Variants in VBP1 observed in about 807,000 individuals in gnomAD.
VBP1 encodes the protein prefoldin subunit 3.
VBP1 carries 4 observed loss-of-function variants against 15.5 expected under a neutral mutation model. The ratio of observed to expected loss-of-function variants is 0.26; its 90% CI spans 0.13 to 0.59. The LOEUF (loss-of-function observed/expected upper bound fraction) is 0.59. Among genes scored for constraint, VBP1 ranks in the 20% least tolerant of loss-of-function variants. The probability of loss-of-function intolerance (pLI) is 0.90; values close to 1 mark genes in which losing one functional copy is unlikely to be tolerated. For synonymous variants in VBP1, 61 were observed against 52.1 expected (o/e 1.17, Z -0.74); for missense variants, 108 against 139.6 (o/e 0.77, Z 1.14).
intron 4 of VBP1, among the ~76,000 whole-genome samples, chrX:155,234,462 C>G (rs2074762391): frequency 9.0e-6 from 1 of 110,795 alleles, no homozygotes; most frequent in African/African-American, 3.3e-5. Flanking sequence ...TTCAGAAATA[C>G]CAAGGGTGAT....
intron 5 of VBP1, 109 bp from the exon 6 acceptor site, chrX:155,238,663 A>G: frequency 1.8e-6 from 1 of 545,335 alleles, no homozygotes; most frequent in Non-Finnish European, 3.0e-6. Flanking sequence ...GTATTTGTAT[A>G]TGTTTCATTT....
intron 4 of VBP1, among the ~76,000 whole-genome samples, chrX:155,229,839 GTCT>G (rs1304561058): frequency 8.9e-6 from 1 of 111,764 alleles, no homozygotes; most frequent in African/African-American, 3.3e-5. Context: ...AAATCTTTGA[GTCT>G]TCTTTGACTC....
intron 1 of VBP1, among the ~76,000 whole-genome samples, chrX:155,207,133 T>G (rs1398430427): frequency 9.0e-6 from 1 of 111,566 alleles, no homozygotes; most frequent in Non-Finnish European, 1.9e-5. Flanking sequence ...AAGTATGGGT[T>G]GCAGAAAAAA....
At chrX:155,215,440 A>G (rs2074659018), upstream of VBP1, among the ~76,000 whole-genome samples, 1 of 111,822 alleles carries the variant, frequency 8.9e-6, no homozygotes, top group African/African-American at 3.3e-5. Context: ...CTTCACTACT[A>G]TGTAGTTGTA....
intron 4 of VBP1, among the ~76,000 whole-genome samples, chrX:155,232,788 A>G (rs1602894555): frequency 8.8e-6 from 1 of 113,043 alleles, no homozygotes; most frequent in Admixed American, 9.3e-5. Context: ...TGCATTGCCT[A>G]TGCCATAGCA....
intron 1 of VBP1, among the ~76,000 whole-genome samples, chrX:155,201,714 C>T (rs1431773538): frequency 9.7e-6 from 1 of 103,616 alleles, no homozygotes; most frequent in Non-Finnish European, 2.0e-5. Context: ...CAGGGATGCC[C>T]TCTCTCACCA....
chrX:155,216,090 G>A (rs781844900), upstream of VBP1, among the ~76,000 whole-genome samples: 2 of 110,410 alleles, frequency 1.8e-5, no homozygotes, highest in Non-Finnish European at 3.8e-5. Context: ...GCTAGCATCC[G>A]AGAGAGGGGA....
upstream of VBP1, chrX:155,213,154 C>T (rs1602874785): frequency 9.0e-6 from 1 of 111,694 alleles, no homozygotes. Flanking sequence ...AGTTCCAAAG[C>T]CCCTAGGGGA....
chrX:155,199,571 C>T (rs1557307120), intron 1 of VBP1, among the ~76,000 whole-genome samples: 1 of 111,591 alleles, frequency 9.0e-6, no homozygotes, highest in Admixed American at 9.5e-5. Context: ...GAGATTTTGT[C>T]ACCACCAGGC....
At chrX:155,223,902 G>A (rs782699564) in intron 2 of VBP1, among the ~76,000 whole-genome samples, 62 of 107,274 alleles carry the variant, frequency 5.8e-4, no homozygotes, top group African/African-American at 1.9e-3. Flanking sequence ...GCTGCCGGGC[G>A]GAGGGGCTCC....
intron 1 of VBP1, 41 bp from the exon 2 acceptor site, chrX:155,220,142 T>G: frequency 8.6e-7 from 1 of 1,160,296 alleles, no homozygotes; most frequent in East Asian, 3.0e-5. Context: ...CTGAGTGGCA[T>G]GAATTCTAAA....
At chrX:155,234,207 G>A (rs1029245595) in intron 4 of VBP1, among the ~76,000 whole-genome samples, 7 of 92,934 alleles carry the variant, frequency 7.5e-5, no homozygotes, top group Non-Finnish European at 1.2e-4. Flanking sequence ...TGCAACTTCC[G>A]CCTCCTGGGT....
intron 4 of VBP1, among the ~76,000 whole-genome samples, chrX:155,235,940 A>G (rs1431529952): frequency 8.9e-6 from 1 of 112,253 alleles, no homozygotes; most frequent in East Asian, 2.8e-4. Flanking sequence ...AAATGATACA[A>G]TGTATGTAAA....
At position 155,220,066 on chromosome X, in the gene VBP1, C is replaced by T; in HGVS notation, c.94-117C>T. The T allele has an allele frequency of 5.8e-6, 4 of 695,244 alleles. No individual in the cohort carries two copies. The South Asian group carries it at 1.2e-4, about 20-fold the overall frequency. The allele number at this position is 695,244 out of a possible 1,213,427, so 57.3% of individuals were successfully genotyped here. On this transcript the variant is annotated intron_variant, in intron 1 of 5. Transcript: ENST00000286428. ...CTTAACCTGTACTTTTAGTTAAAAA[C>T]AAACCTTTGGAGAAAAACAAAGCTT...
upstream of VBP1, among the ~76,000 whole-genome samples, chrX:155,215,944 T>C (rs1404635173): frequency 2.7e-5 from 3 of 111,482 alleles, no homozygotes; most frequent in East Asian, 8.5e-4. Context: ...GCAGGGTATT[T>C]ATTAGAATGA....
In VBP1 at chrX:155,239,420, C is replaced by A. The variant is rs1557311986; in HGVS notation, c.*578C>A. ...CTACACATTAAGAGGGCTATTAAGA[C>A]TACATTTTTTCTAACCTCAGATAAG... On this transcript the variant is annotated 3_prime_UTR_variant, in exon 6 of 6. Coordinates refer to ENST00000286428, the MANE Select transcript of VBP1 (RefSeq NM_003372.7). The A allele has an allele frequency of 8.9e-6, 1 of 111,886 alleles. No individual in the cohort carries two copies. The highest frequency in any genetic ancestry group is 3.7e-4 in the South Asian group (1 of 2,704). The allele number at this position is 111,886 out of a possible 1,213,427, so 9.2% of individuals were successfully genotyped here. A position where few individuals can be genotyped will look rare whatever the true frequency, so the allele number is the denominator to read the frequency against.
At chrX:155,238,710 C>A in intron 5 of VBP1, 62 bp from the exon 6 acceptor site, 1 of 926,926 alleles carries the variant, frequency 1.1e-6, no homozygotes, top group Non-Finnish European at 1.5e-6. Flanking sequence ...GGAGTGAATA[C>A]TTAGTCATTG....
intron 1 of VBP1, among the ~76,000 whole-genome samples, chrX:155,203,852 G>A (rs887344444): frequency 8.9e-6 from 1 of 112,034 alleles, no homozygotes; most frequent in African/African-American, 3.3e-5. Context: ...TGCATGAGTA[G>A]TCAAAGAGGA....
intron 1 of VBP1, among the ~76,000 whole-genome samples, chrX:155,207,036 G>T (rs1456035059): frequency 9.0e-6 from 1 of 111,272 alleles, no homozygotes; most frequent in African/African-American, 3.3e-5. Flanking sequence ...CACAGGTCAG[G>T]GTCCAAGTAC....
Sources: gnomAD v4.1 joint callset for allele counts (sites outside exome capture counted in the v4.1 genomes callset) on GRCh38, gnomAD v4.1.1 for gene constraint, MANE v1.5 for transcripts, NCBI Gene and HGNC (gene_info 2026-07-23, HGNC 2026-07-21) for gene names.